Variants in CUL2 observed in about 807,000 individuals in gnomAD.
CUL2 encodes the protein cullin-2.
A neutral mutation model predicts 110.2 loss-of-function variants in CUL2; 22 were observed. That is an observed-to-expected ratio of 0.20 (90% confidence interval 0.14 to 0.28). The LOEUF (loss-of-function observed/expected upper bound fraction) is 0.28. Ranked by LOEUF, CUL2 falls within the 10% of genes least tolerant of loss-of-function variation. The pLI, the probability that CUL2 is intolerant of heterozygous loss-of-function variation, is 1.00. For missense variants in CUL2, 631 were observed against 905.5 expected (o/e 0.70, Z 3.89); for synonymous variants, 279 against 293.2 (o/e 0.95, Z 0.49).
chr10:35,115,542 A>C (rs2087583521), intron 1 of CUL2, among the ~76,000 whole-genome samples: 1 of 152,150 alleles, frequency 6.6e-6, no homozygotes, highest in Non-Finnish European at 1.5e-5. Context: ...CCTGGGTGAC[A>C]GAGCAATACT....
chr10:35,084,946 C>T (rs1165203368), intron 1 of CUL2, among the ~76,000 whole-genome samples: 3 of 151,780 alleles, frequency 2.0e-5, no homozygotes, highest in African/African-American at 7.3e-5. Flanking sequence ...GGTGAAACCC[C>T]GTCTCTACTA....
intron 18 of CUL2, 27 bp from the exon 19 acceptor site, chr10:35,013,827 T>C (rs1206904856): frequency 7.3e-7 from 1 of 1,367,154 alleles, no homozygotes; most frequent in Non-Finnish European, 9.7e-7. Flanking sequence ...AACATTTATA[T>C]TTATAAAAAC....
At chr10:35,097,484 C>T (rs893001836) in intron 2 of CUL2, among the ~76,000 whole-genome samples, 1 of 142,040 alleles carries the variant, frequency 7.0e-6, no homozygotes, top group African/African-American at 2.6e-5. Context: ...AGCAAGACCC[C>T]CTGTCTCAAA....
chr10:35,069,693 C>T lies in CUL2; in HGVS notation c.119+1506G>A, dbSNP rs374361194. Reference sequence around the variant, plus strand: ...ACTTAAAAACCAAGAAATTCACTGTCGATTCTGTACAATGATGAAGAACAC... The same window carrying T: ...ACTTAAAAACCAAGAAATTCACTGTTGATTCTGTACAATGATGAAGAACAC... On this transcript the variant is annotated intron_variant, in intron 2 of 20. Coordinates refer to ENST00000374749, the MANE Select transcript of CUL2 (RefSeq NM_003591.4). Among the ~76,000 whole-genome samples the T allele has an allele frequency of 5.1e-4, 78 of 152,232 alleles. 1 individual carries two copies. In the South Asian group the frequency reaches 0.013, roughly 25 times the overall value.
chr10:35,027,168 G>T (rs567124687), intron 16 of CUL2, among the ~76,000 whole-genome samples: 3 of 143,968 alleles, frequency 2.1e-5, no homozygotes, highest in African/African-American at 7.8e-5. Context: ...TTTTTGAGGC[G>T]GAGTCTCGCT....
intron 19 of CUL2, among the ~76,000 whole-genome samples, 177 bp downstream of exon 19, chr10:35,013,522 A>C (rs1030414432): frequency 1.9e-4 from 29 of 152,312 alleles, no homozygotes; most frequent in African/African-American, 6.7e-4. Flanking sequence ...ACTAAAATAC[A>C]AGTAGAGATT....
intron 2 of CUL2, 59 bp downstream of exon 2, chr10:35,071,140 C>G: frequency 6.5e-7 from 1 of 1,528,616 alleles, no homozygotes; most frequent in Non-Finnish European, 9.0e-7. Context: ...AACATGTTCT[C>G]AGTTTTCAAC....
At chr10:35,073,673 C>T (rs1312154476) in intron 1 of CUL2, among the ~76,000 whole-genome samples, 10 of 150,738 alleles carry the variant, frequency 6.6e-5, no homozygotes, top group Non-Finnish European at 1.2e-4. Flanking sequence ...GGCGCAATCT[C>T]GGCTCACTGC....
At chr10:35,026,573 C>T (rs547771186) in intron 16 of CUL2, among the ~76,000 whole-genome samples, 1 of 152,206 alleles carries the variant, frequency 6.6e-6, no homozygotes. Context: ...TTCAGTAGTA[C>T]TATTTGGTAA....
chr10:35,035,370 C>T, intron 9 of CUL2, 74 bp from the exon 10 acceptor site: 1 of 1,529,092 alleles, frequency 6.5e-7, no homozygotes, highest in South Asian at 1.2e-5. Context: ...GATCCAAGTG[C>T]AGGAGTACAA....
chr10:35,016,398 C>A lies in CUL2; in HGVS notation c.1685-4G>T. 1 of 1,584,562 alleles carries A rather than the reference C, an allele frequency of 6.3e-7. No individual in the cohort carries two copies. The highest frequency in any genetic ancestry group is 1.7e-5 in the Admixed American group (1 of 57,330). ...AAATAGTTCATTTTAACTTCACCTA[C>A]AATTAAAACAAAAACTGACAGTGAA... On this transcript the variant is annotated splice_polypyrimidine_tract_variant and splice_region_variant and intron_variant, in intron 17 of 20. Transcript: ENST00000374749.
At chr10:35,109,801 G>A (rs776972140) in intron 1 of CUL2, among the ~76,000 whole-genome samples, 16 of 152,174 alleles carry the variant, frequency 1.1e-4, no homozygotes, top group Non-Finnish European at 1.9e-4. Flanking sequence ...AGAGAAGCTC[G>A]ATTTTATTTC....
At chr10:35,025,099 T>C (rs1280836576) in intron 17 of CUL2, 33 bp downstream of exon 17, 6 of 1,451,572 alleles carry the variant, frequency 4.1e-6, no homozygotes, top group Non-Finnish European at 5.4e-6. Flanking sequence ...CAGGTAAATT[T>C]CATTAAGCCA....
intron 1 of CUL2, among the ~76,000 whole-genome samples, chr10:35,116,817 C>T (rs761604323): frequency 7.9e-5 from 12 of 151,932 alleles, no homozygotes; most frequent in Non-Finnish European, 1.3e-4. Context: ...AATAGCTGGG[C>T]GTGGTGGCGC....
intron 1 of CUL2, among the ~76,000 whole-genome samples, chr10:35,107,291 G>T (rs1167832828): frequency 1.3e-5 from 2 of 152,018 alleles, no homozygotes; most frequent in South Asian, 4.1e-4. Flanking sequence ...ACCTGGTTTT[G>T]AAAGCAGAGT....
chr10:35,061,012 ATT>A (rs762891575), intron 3 of CUL2, 44 bp from the exon 4 acceptor site: 5 of 1,552,496 alleles, frequency 3.2e-6, no homozygotes, highest in Non-Finnish European at 4.4e-6. Flanking sequence ...AGCAATAATC[ATT>A]TTCACTGTCA....
At chr10:35,013,984 C>G (rs1196355992) in intron 18 of CUL2, among the ~76,000 whole-genome samples, 184 bp from the exon 19 acceptor site, 2 of 151,874 alleles carry the variant, frequency 1.3e-5, no homozygotes, top group Admixed American at 6.6e-5. Flanking sequence ...AGGAAAAAAC[C>G]CAATTATTTT....
chr10:35,083,973 T>C (rs1321272165), intron 1 of CUL2, among the ~76,000 whole-genome samples: 2 of 152,190 alleles, frequency 1.3e-5, no homozygotes, highest in East Asian at 3.9e-4. Context: ...ACATTATTTA[T>C]AATGTTAAAC....
intron 5 of CUL2, among the ~76,000 whole-genome samples, chr10:35,050,948 A>T (rs1459498769): frequency 6.6e-6 from 1 of 152,226 alleles, no homozygotes; most frequent in Non-Finnish European, 1.5e-5. Flanking sequence ...AAGATTTCCC[A>T]TTAGTCCCCA....
Sources: allele counts gnomAD v4.1 joint callset (sites outside exome capture counted in the v4.1 genomes callset), GRCh38; gene constraint gnomAD v4.1.1; transcripts MANE v1.5; gene names NCBI Gene and HGNC (gene_info 2026-07-23, HGNC 2026-07-21).